The following KCNJ16 variants were observed in gnomAD, a reference collection of about 807,000 sequenced individuals.
KCNJ16 encodes potassium inwardly rectifying channel subfamily J member 16.
In KCNJ16, 15 loss-of-function variants were observed where a neutral mutation model predicts 18.5. That is an observed-to-expected ratio of 0.81 (90% confidence interval 0.54 to 1.25). KCNJ16 has a LOEUF of 1.25. KCNJ16 is among the 50% of genes most tolerant of loss of function. KCNJ16 has a pLI of 0.00. For synonymous variants in KCNJ16, 174 were observed against 186.5 expected (o/e 0.93, Z 0.55); for missense variants, 523 against 525.7 (o/e 0.99, Z 0.05).
At chr17:70,078,204 A>C (rs899404295) in intron 1 of KCNJ16, among the ~76,000 whole-genome samples, 5 of 152,204 alleles carry the variant, frequency 3.3e-5, no homozygotes, top group African/African-American at 9.6e-5. Flanking sequence ...TCTCACTATT[A>C]AATGCAACTT....
chr17:70,084,188 A>G (rs889150037), intron 1 of KCNJ16, among the ~76,000 whole-genome samples: 2 of 152,222 alleles, frequency 1.3e-5, no homozygotes, highest in African/African-American at 2.4e-5. Flanking sequence ...TCCACCTTAC[A>G]TAAGTCATGC....
At position 70,132,911 on chromosome 17, in the gene KCNJ16, A is replaced by C. The variant is rs1240387937; in HGVS notation, c.824A>C (p.Asn275Thr). Reference protein sequence around the residue: ...ALDRKAVAKDNFEILVTFIYT... With the variant: ...ALDRKAVAKDTFEILVTFIYT... ...GACCGCAAAGCAGTAGCCAAAGATAACTTTGAGATTTTGGTGACATTTATC... is the reference window on the plus strand; with the variant it reads ...GACCGCAAAGCAGTAGCCAAAGATACCTTTGAGATTTTGGTGACATTTATC... Residue 275 changes from asparagine (N) to threonine (T), a missense_variant, in exon 4 of 4, where the codon AAC becomes ACC. Physicochemically the swap from Asn to Thr is moderately conservative, Grantham distance 65. Coordinates refer to ENST00000392671, the MANE Select transcript of KCNJ16 (RefSeq NM_170741.4). 1.2e-6 allele frequency: 2 copies of C among 1,614,036 alleles called. No homozygotes were observed. The highest frequency in any genetic ancestry group is 2.7e-5 in the African/African-American group (2 of 74,932).
chr17:70,110,525 T>C (rs71381043), intron 2 of KCNJ16, among the ~76,000 whole-genome samples: 2 of 150,444 alleles, frequency 1.3e-5, no homozygotes, highest in African/African-American at 2.4e-5. Context: ...GCATCCAGTC[T>C]TTATGATGAG....
At chr17:70,080,381 T>C (rs975554981) in intron 1 of KCNJ16, among the ~76,000 whole-genome samples, 10 of 152,180 alleles carry the variant, frequency 6.6e-5, no homozygotes, top group African/African-American at 2.4e-4. Context: ...GGATAAACAC[T>C]TTAAAATTAT....
intron 2 of KCNJ16, among the ~76,000 whole-genome samples, chr17:70,117,992 G>C (rs2073479242): frequency 6.6e-6 from 1 of 152,168 alleles, no homozygotes; most frequent in Non-Finnish European, 1.5e-5. Context: ...CTCTGATGCA[G>C]CTACTCAACT....
chr17:70,121,419 C>A (rs2073633666), intron 2 of KCNJ16, among the ~76,000 whole-genome samples: 1 of 152,120 alleles, frequency 6.6e-6, no homozygotes, highest in Non-Finnish European at 1.5e-5. Flanking sequence ...CCTCAGGCTG[C>A]AGTTTTCTGA....
At chr17:70,087,828 A>C (rs900567216) in intron 1 of KCNJ16, among the ~76,000 whole-genome samples, 1 of 152,118 alleles carries the variant, frequency 6.6e-6, no homozygotes, top group African/African-American at 2.4e-5. Context: ...ACCAACAATG[A>C]ATAAAACAAG....
At chr17:70,124,070 A>C (rs2073758270) in intron 2 of KCNJ16, among the ~76,000 whole-genome samples, 1 of 152,210 alleles carries the variant, frequency 6.6e-6, no homozygotes. Flanking sequence ...CTCACTTAAC[A>C]ACCAGATAGT....
chr17:70,088,575 G>A (rs1202960415), intron 1 of KCNJ16, among the ~76,000 whole-genome samples: 1 of 152,154 alleles, frequency 6.6e-6, no homozygotes, highest in African/African-American at 2.4e-5. Context: ...ACATTCCCAG[G>A]GGATTAAAGC....
chr17:70,123,266 T>G (rs955122249), intron 2 of KCNJ16, among the ~76,000 whole-genome samples: 7 of 111,348 alleles, frequency 6.3e-5, no homozygotes, highest in African/African-American at 2.3e-4. Context: ...TGAAAAGATA[T>G]TGAAAAGATA....
At chr17:70,103,810 C>T (rs1482879264) in intron 2 of KCNJ16, among the ~76,000 whole-genome samples, 1 of 152,030 alleles carries the variant, frequency 6.6e-6, no homozygotes, top group Non-Finnish European at 1.5e-5. Context: ...AAATTTTGCA[C>T]AATAAAACAC....
chr17:70,129,709 T>C (rs1166606588), intron 2 of KCNJ16, among the ~76,000 whole-genome samples: 1 of 152,206 alleles, frequency 6.6e-6, no homozygotes, highest in Non-Finnish European at 1.5e-5. Context: ...AGTTGTAACT[T>C]GTACCTCTCA....
At chr17:70,131,377 T>C in intron 3 of KCNJ16, 1 of 1,037,656 alleles carries the variant, frequency 9.6e-7, no homozygotes, top group Non-Finnish European at 1.2e-6. Context: ...TAGGGGGAAA[T>C]GAGTTTAATG....
chr17:70,114,706 C>A (rs1448029453), intron 2 of KCNJ16, among the ~76,000 whole-genome samples: 1 of 152,042 alleles, frequency 6.6e-6, no homozygotes, highest in Non-Finnish European at 1.5e-5. Flanking sequence ...AAGGTCAAGG[C>A]AATTAGATGC....
intron 2 of KCNJ16, among the ~76,000 whole-genome samples, chr17:70,122,847 G>C (rs2073699780): frequency 6.6e-6 from 1 of 152,142 alleles, no homozygotes; most frequent in South Asian, 2.1e-4. Flanking sequence ...GTGAAGTTCT[G>C]ATTGGCCACT....
intron 2 of KCNJ16, among the ~76,000 whole-genome samples, chr17:70,115,668 A>T (rs1474682496): frequency 6.6e-6 from 1 of 152,164 alleles, no homozygotes; most frequent in Non-Finnish European, 1.5e-5. Context: ...GTGCCCATTT[A>T]ATGCTAACTC....
At chr17:70,084,052 G>T (rs111819604) in intron 1 of KCNJ16, among the ~76,000 whole-genome samples, 1 of 152,178 alleles carries the variant, frequency 6.6e-6, no homozygotes. Flanking sequence ...GGATGTGTAG[G>T]CACAGTGGGC....
Position 70,102,412 on chromosome 17 carries a change from G to A in KCNJ16, c.-191+1646G>A, listed in dbSNP as rs192710899. 1.2e-4 allele frequency among the ~76,000 whole-genome samples: 18 copies of A among 150,302 alleles called. No individual in the cohort carries two copies. The East Asian group carries it at 3.1e-3, about 26-fold the overall frequency. On this transcript the variant is annotated intron_variant, in intron 2 of 3. Transcript: ENST00000392671. ...CTGGCTAATTTTTGTATCTTTAGTAGAGACGGGGTTTCACCATATTGGCCA... is the reference window on the plus strand; with the variant it reads ...CTGGCTAATTTTTGTATCTTTAGTAAAGACGGGGTTTCACCATATTGGCCA...
intron 2 of KCNJ16, among the ~76,000 whole-genome samples, chr17:70,114,127 CACTT>C (rs1172205614): frequency 2.0e-5 from 3 of 152,106 alleles, no homozygotes; most frequent in Admixed American, 6.6e-5. Flanking sequence ...CAGCCAATAA[CACTT>C]ACTTTATTTT....
Sources: allele counts gnomAD v4.1 joint callset (sites outside exome capture counted in the v4.1 genomes callset), GRCh38; gene constraint gnomAD v4.1.1; transcripts MANE v1.5; gene names NCBI Gene and HGNC (gene_info 2026-07-23, HGNC 2026-07-21).